Variants in KLHL13 observed in about 807,000 individuals in gnomAD.
The protein encoded by KLHL13 is kelch like family member 13.
A neutral mutation model predicts 37.1 loss-of-function variants in KLHL13; 10 were observed. The ratio of observed to expected loss-of-function variants is 0.27; its 90% CI spans 0.17 to 0.46. The LOEUF is 0.46. Among genes scored for constraint, KLHL13 ranks in the 20% least tolerant of loss-of-function variants. The pLI, the probability that KLHL13 is intolerant of heterozygous loss-of-function variation, is 1.00. For synonymous variants in KLHL13, 163 were observed against 181.2 expected (o/e 0.90, Z 0.81); for missense variants, 360 against 509.3 (o/e 0.71, Z 2.82).
At chrX:118,048,699 T>C (rs996821706) in intron 1 of KLHL13, among the ~76,000 whole-genome samples, 1 of 111,403 alleles carries the variant, frequency 9.0e-6, no homozygotes, top group African/African-American at 3.3e-5. Context: ...TTTAAAGAGC[T>C]TTCAAAGAAA....
chrX:117,947,645 T>C (rs1933385954), intron 1 of KLHL13: 2 of 112,358 alleles, frequency 1.8e-5, no homozygotes, highest in South Asian at 7.3e-4. Context: ...ATTAATTACT[T>C]CAAAAGCTGA....
At chrX:117,953,778 G>C (rs1933766299) in intron 1 of KLHL13, among the ~76,000 whole-genome samples, 1 of 111,021 alleles carries the variant, frequency 9.0e-6, no homozygotes, top group African/African-American at 3.3e-5. Context: ...GCACAAGGAG[G>C]ATATCAGAGA....
chrX:118,010,745 A>T (rs932033857), intron 1 of KLHL13, among the ~76,000 whole-genome samples: 136 of 109,942 alleles, frequency 1.2e-3, no homozygotes, highest in Middle Eastern at 4.6e-3. Flanking sequence ...TATAATTTAA[A>T]AAAAAAAAGA....
At chrX:118,083,143 G>T (rs1474767952) in intron 1 of KLHL13, among the ~76,000 whole-genome samples, 3 of 111,570 alleles carry the variant, frequency 2.7e-5, no homozygotes, top group Non-Finnish European at 5.7e-5. Context: ...GGATTGCATT[G>T]ACTCTGTGGA....
At chrX:117,979,432 G>A (rs1340581398) in intron 1 of KLHL13, among the ~76,000 whole-genome samples, 1 of 111,545 alleles carries the variant, frequency 9.0e-6, no homozygotes, top group Non-Finnish European at 1.9e-5. Context: ...TGCCCAAGAT[G>A]TCTTTCCCAA....
intron 1 of KLHL13, among the ~76,000 whole-genome samples, chrX:117,952,298 T>C (rs1040026883): frequency 9.0e-6 from 1 of 111,354 alleles, no homozygotes; most frequent in Non-Finnish European, 1.9e-5. Context: ...AAACAAGCAA[T>C]GGGGAAAGGA....
chrX:117,985,605 G>T (rs763097811), intron 1 of KLHL13, among the ~76,000 whole-genome samples: 9 of 110,583 alleles, frequency 8.1e-5, no homozygotes, highest in African/African-American at 3.0e-4. Context: ...AACTGAACAG[G>T]AACAAAGTGT....
At chrX:118,051,757 TAA>T (rs1472119985) in intron 1 of KLHL13, among the ~76,000 whole-genome samples, 1 of 110,693 alleles carries the variant, frequency 9.0e-6, no homozygotes, top group Non-Finnish European at 1.9e-5. Context: ...TCAAATTCCC[TAA>T]AAGAGTCAGA....
At position 117,920,314 on chromosome X, in the gene KLHL13, A is replaced by G. The variant is rs140797047; in HGVS notation, c.297T>C (p.Gly99=). ...GCACAGGGAAAGCATCATCTGTGTC[A>G]CCTGGCATCAGGGTCACATCACAAA... The change falls in exon 3 of 7, where the codon GGT becomes GGC. Residue 99 remains glycine (G), a synonymous_variant. Coordinates refer to ENST00000262820, the Ensembl canonical transcript of KLHL13. 1.1e-4 allele frequency: 138 copies of G among 1,203,987 alleles called. No individual in the cohort carries two copies. The African/African-American group carries it at 2.3e-3, about 20-fold the overall frequency.
Position 118,073,093 on chromosome X carries a change from C to CA in KLHL13, c.-56+43414dup, listed in dbSNP as rs199562876. On this transcript the variant is annotated intron_variant, in intron 1 of 6. Coordinates refer to the KLHL13 transcript ENST00000371882. Reference sequence around the variant, plus strand: ...TGGGTTACAGAGTGAGACACTCTCTCAAAAAAAAAAAAACCCCACAAATGA... The same window carrying CA: ...TGGGTTACAGAGTGAGACACTCTCTCAAAAAAAAAAAAAACCCCACAAATGA... Among the ~76,000 whole-genome samples the CA allele has an allele frequency of 9.5e-3, 907 of 95,446 alleles. 12 individuals are homozygous for CA. The highest frequency in any genetic ancestry group is 0.027 in the African/African-American group (715 of 26,268). The allele number at this position is 95,446 out of a possible 115,157, so 82.9% of individuals were successfully genotyped here.
chrX:117,998,933 T>C (rs1221113756), intron 1 of KLHL13, among the ~76,000 whole-genome samples: 2 of 110,631 alleles, frequency 1.8e-5, no homozygotes, highest in Non-Finnish European at 1.9e-5. Flanking sequence ...AACAACTATA[T>C]GAACATATAA....
chrX:118,095,985 T>C (rs1203308828), intron 1 of KLHL13, among the ~76,000 whole-genome samples: 2 of 111,771 alleles, frequency 1.8e-5, no homozygotes, highest in Non-Finnish European at 3.8e-5. Context: ...AGGAAAGATC[T>C]AAAATTGAAA....
intron 1 of KLHL13, among the ~76,000 whole-genome samples, chrX:118,040,188 TCAATGCCCAGA>T (rs1279332782): frequency 2.7e-5 from 3 of 111,435 alleles, no homozygotes; most frequent in Non-Finnish European, 5.7e-5. Flanking sequence ...ACATAACTCT[TCAATGCCCAGA>T]CACCAACGAA....
chrX:117,939,827 G>A (rs1263965391), intron 2 of KLHL13, among the ~76,000 whole-genome samples: 1 of 111,726 alleles, frequency 9.0e-6, no homozygotes, highest in African/African-American at 3.3e-5. Flanking sequence ...GTTCTTTGTA[G>A]ATTCTGGATA....
intron 2 of KLHL13, among the ~76,000 whole-genome samples, chrX:117,926,885 C>CTTTTTTTTTTTTTTTTTT (rs10596292): frequency 7.6e-5 from 2 of 26,164 alleles, no homozygotes; most frequent in African/African-American, 2.2e-4. Context: ...CCCCCTACTT[C>CTTTTTTTTTTTTTTTTTT]TTTTTTTTTT....
intron 1 of KLHL13, among the ~76,000 whole-genome samples, chrX:118,066,950 T>A (rs769250006): frequency 4.9e-4 from 55 of 111,918 alleles, no homozygotes; most frequent in Non-Finnish European, 8.3e-4. Flanking sequence ...TTCCCATTGG[T>A]ATATACATAG....
intron 5 of KLHL13, among the ~76,000 whole-genome samples, chrX:117,902,561 G>A (rs997029910): frequency 4.5e-5 from 5 of 111,222 alleles, no homozygotes; most frequent in Admixed American, 9.6e-5. Context: ...GATGGTTGGC[G>A]GCATAATATG....
intron 1 of KLHL13, among the ~76,000 whole-genome samples, chrX:118,023,613 G>T (rs1398386135): frequency 1.8e-5 from 2 of 111,447 alleles, no homozygotes; most frequent in Non-Finnish European, 3.8e-5. Flanking sequence ...CTGTCACCCA[G>T]GCTGGAAGGC....
intron 2 of KLHL13, among the ~76,000 whole-genome samples, chrX:117,935,582 T>C (rs888982529): frequency 9.0e-6 from 1 of 111,312 alleles, no homozygotes; most frequent in Non-Finnish European, 1.9e-5. Flanking sequence ...CGTACAACCA[T>C]GGCGGAAGGT....
Sources: gnomAD v4.1 joint callset for allele counts (sites outside exome capture counted in the v4.1 genomes callset) on GRCh38, gnomAD v4.1.1 for gene constraint, MANE v1.5 for transcripts, NCBI Gene and HGNC (gene_info 2026-07-23, HGNC 2026-07-21) for gene names.